The following ERICH2 variants were observed in gnomAD, a reference collection of about 807,000 sequenced individuals.
ERICH2 encodes the protein glutamate-rich protein 2.
A neutral mutation model predicts 17.4 loss-of-function variants in ERICH2; 17 were observed. The ratio of observed to expected loss-of-function variants is 0.98; its 90% CI spans 0.67 to 1.47. The LOEUF (loss-of-function observed/expected upper bound fraction) is 1.47, where lower values mean the gene tolerates loss of function less well. Among genes scored for constraint, ERICH2 ranks in the 40% most tolerant of loss-of-function variants. ERICH2 has a pLI of 0.00. For missense variants in ERICH2, 186 were observed against 183.2 expected (o/e 1.01, Z -0.09); for synonymous variants, 51 against 61.1 (o/e 0.83, Z 0.77).
At chr2:170,787,354 G>T (rs1701182040) in intron 2 of ERICH2, among the ~76,000 whole-genome samples, 1 of 152,164 alleles carries the variant, frequency 6.6e-6, no homozygotes, top group Non-Finnish European at 1.5e-5. Flanking sequence ...TTGGAAGCAG[G>T]TATCTCTTTG....
upstream of ERICH2, chr2:170,782,266 G>A (rs1701046308): frequency 1.1e-6 from 1 of 947,126 alleles, no homozygotes; most frequent in Non-Finnish European, 1.3e-6. Context: ...TAAGAATATT[G>A]CAAATAAAGT....
intron 1 of ERICH2, chr2:170,783,895 G>C (rs750554671): frequency 1.3e-6 from 2 of 1,550,322 alleles, no homozygotes; most frequent in Non-Finnish European, 1.7e-6. Context: ...TAACACAACC[G>C]TCATACTCTT....
exon 5 of ERICH2, chr2:170,798,840 A>G (rs1034707669): frequency 6.4e-7 from 1 of 1,550,688 alleles, no homozygotes; most frequent in Non-Finnish European, 8.7e-7. Flanking sequence ...GTAAAGGAGA[A>G]AGCGATGAGG....
the ERICH2 span, among the ~76,000 whole-genome samples, chr2:170,775,889 G>A: frequency 6.6e-6 from 1 of 151,818 alleles, no homozygotes; most frequent in African/African-American, 2.4e-5. Context: ...ACGAAATAAT[G>A]ACGCTTTGCT....
upstream of ERICH2, among the ~76,000 whole-genome samples, chr2:170,782,582 T>C (rs1374730526): frequency 2.6e-5 from 4 of 152,212 alleles, no homozygotes; most frequent in Non-Finnish European, 5.9e-5. Flanking sequence ...TTACATAAGA[T>C]GGTAATTACA....
the ERICH2 span, among the ~76,000 whole-genome samples, chr2:170,778,672 A>G: frequency 2.0e-5 from 3 of 152,190 alleles, no homozygotes; most frequent in Non-Finnish European, 2.9e-5. Context: ...ATCTACATGT[A>G]ATTTTATATG....
intron 4 of ERICH2, among the ~76,000 whole-genome samples, 182 bp from the exon 10 acceptor site, chr2:170,798,588 G>A (rs1201081138): frequency 6.6e-6 from 1 of 152,144 alleles, no homozygotes; most frequent in African/African-American, 2.4e-5. Context: ...ACACCTGTAT[G>A]CCAGTAAAAA....
chr2:170,798,866 G>C, exon 5 of ERICH2: 3 of 1,550,660 alleles, frequency 1.9e-6, no homozygotes, highest in Non-Finnish European at 2.6e-6. Flanking sequence ...AGTGACGAGA[G>C]CTCTGACGAA....
At position 170,783,934 on chromosome 2, in the gene ERICH2, A is replaced by G. The variant is rs1188353481; in HGVS notation, c.28+68A>G. 3 of 1,549,256 alleles carry G rather than the reference A, an allele frequency of 1.9e-6. No individual in the cohort carries two copies. In the Admixed American group the frequency reaches 5.9e-5, roughly 30 times the overall value. On this transcript the variant is annotated intron_variant, in intron 1 of 4. Coordinates refer to ENST00000409885, the Ensembl canonical transcript of ERICH2. ...AGAACTTGATATTCCTTTTCAGGGT[A>G]GCATTTTGGGTTTAGAGTCAGGAGT... is the stretch of plus-strand genomic sequence containing the variant.
Position 170,798,113 on chromosome 2 carries a change from G to A in ERICH2, c.346+1G>A. 1 of 1,536,774 alleles carries A rather than the reference G, an allele frequency of 6.5e-7. No individual in the cohort carries two copies. Among genetic ancestry groups the A allele is most frequent in the Non-Finnish European group, 8.8e-7 (1 of 1,134,688 alleles). On this transcript the variant is annotated splice_donor_variant, in intron 4 of 4. Transcript: ENST00000409885. LOFTEE classifies it high-confidence loss of function. ...CTTATTGAAGAAATGTTGCTGATGG[G>A]TAATTTTAAAAATTGAAATTCCTTG...
chr2:170,783,642 G>A, upstream of ERICH2: 2 of 651,822 alleles, frequency 3.1e-6, no homozygotes, highest in African/African-American at 3.6e-5. Context: ...AACAGCTCCT[G>A]GAGAGAGGAC....
At chr2:170,789,127 A>T (rs968831262) in intron 2 of ERICH2, among the ~76,000 whole-genome samples, 1 of 140,638 alleles carries the variant, frequency 7.1e-6, no homozygotes, top group African/African-American at 2.7e-5. Context: ...TGCCTGGCTA[A>T]TTTTTTTTTT....
chr2:170,772,210 AG>A, the ERICH2 span, among the ~76,000 whole-genome samples: 1 of 152,166 alleles, frequency 6.6e-6, no homozygotes, highest in Non-Finnish European at 1.5e-5. Flanking sequence ...TCACCGGTTG[AG>A]CCACATCCTC....
At chr2:170,772,037 G>GT in the ERICH2 span, among the ~76,000 whole-genome samples, 1 of 152,078 alleles carries the variant, frequency 6.6e-6, no homozygotes, top group Non-Finnish European at 1.5e-5. Flanking sequence ...TTTTTATTTT[G>GT]TTTTTTGTGA....
chr2:170,787,184 T>TG (rs540700001), intron 2 of ERICH2, among the ~76,000 whole-genome samples: 23 of 152,260 alleles, frequency 1.5e-4, no homozygotes, highest in Admixed American at 1.3e-3. Context: ...CCTGAATAGC[T>TG]GGGGACTACA....
chr2:170,797,051 A>T (rs1701443939), intron 3 of ERICH2, among the ~76,000 whole-genome samples: 1 of 152,230 alleles, frequency 6.6e-6, no homozygotes, highest in Admixed American at 6.5e-5. Flanking sequence ...ACAGTGACAT[A>T]AAGGATCAGC....
the ERICH2 span, chr2:170,777,458 T>C: frequency 4.1e-6 from 5 of 1,208,948 alleles, no homozygotes; most frequent in Non-Finnish European, 5.2e-6. Context: ...AGAATATGTT[T>C]AGCCACTATC....
upstream of ERICH2, among the ~76,000 whole-genome samples, chr2:170,781,459 C>T (rs1007379361): frequency 1.3e-5 from 2 of 151,852 alleles, no homozygotes; most frequent in African/African-American, 4.8e-5. Context: ...GATGGTGAAA[C>T]CCCGTTTCTA....
At chr2:170,787,219 C>T (rs1701179564) in intron 2 of ERICH2, among the ~76,000 whole-genome samples, 1 of 152,142 alleles carries the variant, frequency 6.6e-6, no homozygotes, top group Admixed American at 6.5e-5. Context: ...CACCTGGTAC[C>T]TGGCAATTAT....
Sources: gnomAD v4.1 joint callset for allele counts (sites outside exome capture counted in the v4.1 genomes callset) on GRCh38, gnomAD v4.1.1 for gene constraint, MANE v1.5 for transcripts, NCBI Gene and HGNC (gene_info 2026-07-23, HGNC 2026-07-21) for gene names.